The following ELMO2 variants were observed in gnomAD, a reference collection of about 807,000 sequenced individuals.
ELMO2 encodes the protein engulfment and cell motility 2, also known as engulfment and cell motility protein 2.
ELMO2 carries 37 observed loss-of-function variants against 96.2 expected under a neutral mutation model. The observed-to-expected ratio is 0.38, with a 90% CI of 0.30 to 0.51. The LOEUF is 0.51. ELMO2 is among the 20% of genes least tolerant of loss of function. ELMO2 has a pLI of 0.88. For missense variants in ELMO2, 561 were observed against 912.6 expected, an observed-to-expected ratio of 0.61 and a Z score of 4.96; for synonymous variants, 315 against 329.4, an observed-to-expected ratio of 0.96 and a Z score of 0.47.
chr20:46,369,019 A>G (rs1213821275), intron 20 of ELMO2, 51 bp from the exon 21 acceptor site: 1 of 1,570,816 alleles, frequency 6.4e-7, no homozygotes, highest in East Asian at 2.2e-5. Flanking sequence ...TGGGGTCTGC[A>G]CATCAAGATC....
chr20:46,393,519 C>T lies in ELMO2; in HGVS notation c.192+10G>A. 6.2e-7 allele frequency: 1 copy of T among 1,613,766 alleles called. No homozygotes were observed. The highest frequency in any genetic ancestry group is 1.3e-5 in the African/African-American group (1 of 75,016). On this transcript the variant is annotated intron_variant, in intron 5 of 21. Transcript: ENST00000290246. ...AGGCCCATATTGATTTTGCCTCTCC[C>T]TGTACTAACCTGTTCGGTGATGTAC... is the stretch of plus-strand genomic sequence containing the variant.
In ELMO2 at chr20:46,371,531, T is replaced by A. The variant is rs2059707081; in HGVS notation, c.1693+48A>T. The A allele has an allele frequency of 1.2e-6, 2 of 1,606,218 alleles. No individual in the cohort carries two copies. Among genetic ancestry groups the A allele is most frequent in the African/African-American group, 2.7e-5 (2 of 74,726 alleles). On this transcript the variant is annotated intron_variant, in intron 18 of 21. Transcript: ENST00000290246. The surrounding 1 kb of genome is among the most constrained non-coding windows in gnomAD (Gnocchi z 5.9). Reference sequence around the variant, plus strand: ...AAAGGCCTGGGCACAAAAGGGGCCATCCAGGCAGGCTCTTCCCGGCACCAA... The same window carrying A: ...AAAGGCCTGGGCACAAAAGGGGCCAACCAGGCAGGCTCTTCCCGGCACCAA...
chr20:46,384,953 CA>C lies in ELMO2; in HGVS notation c.677+1170del, dbSNP rs1337477727. On this transcript the variant is annotated intron_variant, in intron 9 of 21. Transcript: ENST00000290246. ...TGGACGGCAGAGTGAGACCCTGTCT[CA>C]AAAAAGAAAAGCAAAGAAAGCTGAG... Among the ~76,000 whole-genome samples the C allele has an allele frequency of 2.0e-5, 3 of 151,948 alleles. No homozygotes were observed. The East Asian group carries it at 5.8e-4, about 29-fold the overall frequency.
chr20:46,369,084 A>G (rs946582932), intron 20 of ELMO2, 116 bp from the exon 21 acceptor site: 2 of 931,098 alleles, frequency 2.1e-6, no homozygotes, highest in African/African-American at 1.6e-5. Context: ...ATTCAGATGA[A>G]TGTCATCAAT....
chr20:46,372,327 C>G (rs1429380361), intron 16 of ELMO2, among the ~76,000 whole-genome samples: 1 of 152,206 alleles, frequency 6.6e-6, no homozygotes, highest in Non-Finnish European at 1.5e-5. Flanking sequence ...GAAGACACAT[C>G]TCCTGATAGG....
intron 11 of ELMO2, among the ~76,000 whole-genome samples, chr20:46,377,237 A>G (rs1317842823): frequency 1.3e-5 from 2 of 152,242 alleles, no homozygotes; most frequent in Non-Finnish European, 2.9e-5. Context: ...CCTTAGTAGG[A>G]AAAAAGAAAA....
chr20:46,379,320 C>T (rs2059915910), intron 11 of ELMO2, among the ~76,000 whole-genome samples: 1 of 152,026 alleles, frequency 6.6e-6, no homozygotes, highest in South Asian at 2.1e-4. Flanking sequence ...AATTCAGATC[C>T]TTGGCTCTCC....
intron 19 of ELMO2, 149 bp from the exon 20 acceptor site, chr20:46,370,674 G>T: frequency 1.4e-6 from 1 of 740,234 alleles, no homozygotes; most frequent in South Asian, 1.6e-5. Flanking sequence ...AGTGAGGGTG[G>T]TGGGGAGGAT....
chr20:46,369,117 G>C, intron 20 of ELMO2, 149 bp from the exon 21 acceptor site: 2 of 683,298 alleles, frequency 2.9e-6, no homozygotes, highest in Non-Finnish European at 5.0e-6. Context: ...CCACAAGTGT[G>C]GCTGGAGATG....
intron 9 of ELMO2, among the ~76,000 whole-genome samples, chr20:46,385,183 A>G (rs2060019920): frequency 6.6e-6 from 1 of 152,220 alleles, no homozygotes; most frequent in South Asian, 2.1e-4. Context: ...AATGTCTAAA[A>G]AACAGAAGTG....
At chr20:46,393,006 T>G in intron 6 of ELMO2, 87 bp downstream of exon 6, 1 of 1,191,624 alleles carries the variant, frequency 8.4e-7, no homozygotes, top group Non-Finnish European at 1.2e-6. Context: ...TCCAGAGTAC[T>G]TATTTCTAGA....
At chr20:46,397,837 C>A (rs933056550) in intron 2 of ELMO2, among the ~76,000 whole-genome samples, 2 of 152,066 alleles carry the variant, frequency 1.3e-5, no homozygotes, top group Non-Finnish European at 2.9e-5. Flanking sequence ...AAACCAAGAG[C>A]CTTTCAGAGG....
chr20:46,376,193 T>G (rs150532919), intron 11 of ELMO2, among the ~76,000 whole-genome samples: 5 of 152,316 alleles, frequency 3.3e-5, no homozygotes, highest in African/African-American at 1.2e-4. Context: ...CAGAGTTGTT[T>G]TTCCCTTAGA....
Position 46,367,516 on chromosome 20 carries a change from G to T in ELMO2, c.2007C>A (p.Asp669Glu). 1 of 1,613,532 alleles carries T rather than the reference G, an allele frequency of 6.2e-7. No homozygotes were observed. Among genetic ancestry groups the T allele is most frequent in the East Asian group, 2.2e-5 (1 of 44,772 alleles). The stretch of plus-strand genomic sequence containing the variant: ...CACTCTTGGTCAGCTCACTGGACAT[G>T]TCCTTCCCCAGAAGGGCACTGAGGC... ...IDGLSALLGK[D>E]MSSELTKSDL... Residue 669 changes from aspartate (D) to glutamate (E), a missense_variant, in exon 22 of 22, where the codon GAC (aspartate) becomes GAA (glutamate). Asp to Glu is a conservative substitution (Grantham distance 45). Coordinates refer to ENST00000290246, the MANE Select transcript of ELMO2 (RefSeq NM_133171.5).
At chr20:46,404,371 G>A (rs2060388865) in intron 1 of ELMO2, among the ~76,000 whole-genome samples, 1 of 152,180 alleles carries the variant, frequency 6.6e-6, no homozygotes, top group East Asian at 1.9e-4. Context: ...AGTTTTTAAA[G>A]AAGTTTGGTC....
At chr20:46,384,205 C>T (rs2060003256) in intron 9 of ELMO2, among the ~76,000 whole-genome samples, 1 of 152,104 alleles carries the variant, frequency 6.6e-6, no homozygotes, top group African/African-American at 2.4e-5. Context: ...AATAATTTTG[C>T]GTTTTTCTGT....
At chr20:46,384,551 C>A (rs1422843029) in intron 9 of ELMO2, among the ~76,000 whole-genome samples, 2 of 149,704 alleles carry the variant, frequency 1.3e-5, no homozygotes, top group Non-Finnish European at 1.5e-5. Flanking sequence ...AATTCAGAGA[C>A]AAAAAAAAAA....
At chr20:46,397,148 T>C (rs2060257297) in intron 2 of ELMO2, among the ~76,000 whole-genome samples, 1 of 152,218 alleles carries the variant, frequency 6.6e-6, no homozygotes, top group Non-Finnish European at 1.5e-5. Context: ...TGAATGATTC[T>C]CGGCTGTTCA....
intron 6 of ELMO2, among the ~76,000 whole-genome samples, chr20:46,390,285 T>C (rs916015829): frequency 6.6e-6 from 1 of 152,150 alleles, no homozygotes; most frequent in Non-Finnish European, 1.5e-5. Context: ...TCAAAGACGC[T>C]GTAGAAGGGA....
Sources: gnomAD v4.1 joint callset for allele counts (sites outside exome capture counted in the v4.1 genomes callset) on GRCh38, gnomAD v4.1.1 for gene constraint, Gnocchi (gnomAD v3.1) non-coding constraint, MANE v1.5 for transcripts, NCBI Gene and HGNC (gene_info 2026-07-23, HGNC 2026-07-21) for gene names.